RDX: variants seen among roughly 807,000 people sequenced by gnomAD.
RDX encodes deafness, autosomal recessive 24.
In RDX, 32 loss-of-function variants were observed where a neutral mutation model predicts 83.7. The observed-to-expected ratio is 0.38, with a 90% CI of 0.29 to 0.51. The LOEUF (loss-of-function observed/expected upper bound fraction) is 0.51. Among genes scored for constraint, RDX ranks in the 20% least tolerant of loss-of-function variants. The probability of loss-of-function intolerance (pLI) is 0.87; values close to 1 mark genes in which losing one functional copy is unlikely to be tolerated. For synonymous variants in RDX, 229 were observed against 222.7 expected (o/e 1.03, Z -0.25); for missense variants, 600 against 689.9 (o/e 0.87, Z 1.46).
intron 10 of RDX, among the ~76,000 whole-genome samples, chr11:110,241,075 A>G (rs866055999): frequency 0.012 from 1,654 of 134,050 alleles, 24 homozygotes; most frequent in South Asian, 0.067. Flanking sequence ...AAAAAAAAAA[A>G]GGGGCGGGGG....
At chr11:110,206,275 A>AAG (rs1863600909) in intron 14 of RDX, among the ~76,000 whole-genome samples, 1 of 151,290 alleles carries the variant, frequency 6.6e-6, no homozygotes, top group East Asian at 1.9e-4. Flanking sequence ...AAAAAAAAAA[A>AAG]TACTGGTAAC....
At chr11:110,271,022 G>GA (rs1429695146) in intron 3 of RDX, among the ~76,000 whole-genome samples, 3 of 151,860 alleles carry the variant, frequency 2.0e-5, no homozygotes, top group Non-Finnish European at 4.4e-5. Flanking sequence ...AAGTGGTTTG[G>GA]AAAAAAGAAA....
chr11:110,296,552 G>A lies in RDX; in HGVS notation c.-150C>T, dbSNP rs1025704832. 26 of 151,416 alleles carry A rather than the reference G, an allele frequency of 1.7e-4. No individual in the cohort carries two copies. The highest frequency in any genetic ancestry group is 6.3e-4 in the African/African-American group (26 of 41,372). 9.4% of individuals were successfully genotyped at this position (151,416 alleles called of 1,614,324 possible). ...CTGCGACAGGGAGGGAGAAGCGGTG[G>A]TGCGAGCGCTGGCCCGCGGGAGACG... On this transcript the variant is annotated 5_prime_UTR_variant, in exon 1 of 14. Coordinates refer to ENST00000645495, the MANE Select transcript of RDX (RefSeq NM_002906.4).
At chr11:110,203,298 G>T (rs1863481358) in intron 14 of RDX, among the ~76,000 whole-genome samples, 1 of 151,774 alleles carries the variant, frequency 6.6e-6, no homozygotes, top group Non-Finnish European at 1.5e-5. Flanking sequence ...TGATTTGTGG[G>T]ATCTAAAAAT....
At chr11:110,217,862 C>T (rs1251655509) in intron 14 of RDX, among the ~76,000 whole-genome samples, 3 of 152,070 alleles carry the variant, frequency 2.0e-5, no homozygotes, top group Non-Finnish European at 4.4e-5. Context: ...CCTCTTGTTA[C>T]TCGTCTCATT....
chr11:110,283,211 T>C (rs1318055950), intron 1 of RDX, among the ~76,000 whole-genome samples: 2 of 152,208 alleles, frequency 1.3e-5, no homozygotes, highest in African/African-American at 4.8e-5. Flanking sequence ...TGGAGTGCAG[T>C]GGCGCGATCT....
Position 110,264,012 on chromosome 11 carries a change from T to C in RDX, c.415A>G (p.Lys139Glu). The C allele has an allele frequency of 6.2e-7, 1 of 1,613,826 alleles. No homozygotes were observed. The highest frequency in any genetic ancestry group is 8.5e-7 in the Non-Finnish European group (1 of 1,179,712). The change falls in exon 5 of 14, where the codon AAA becomes GAA. Residue 139 changes from lysine to glutamate, a missense_variant. Lys to Glu is a moderately conservative substitution (Grantham distance 56, BLOSUM62 1). Coordinates refer to ENST00000645495, the MANE Select transcript of RDX (RefSeq NM_002906.4). ...AGGTAGCCTGGCTTATGAATCTCTT[T>C]ATTGTAATCTCCATACTTGGCTTGG... is the stretch of plus-strand genomic sequence containing the variant. ...AVQAKYGDYNKEIHKPGYLAN... is the reference protein window; with the variant it reads ...AVQAKYGDYNEEIHKPGYLAN...
chr11:110,253,546 T>A (rs1859420291), intron 9 of RDX, among the ~76,000 whole-genome samples: 1 of 152,220 alleles, frequency 6.6e-6, no homozygotes, highest in African/African-American at 2.4e-5. Flanking sequence ...GTTACCCTAC[T>A]TGGCACAGTG....
chr11:110,209,220 G>C lies in RDX; in HGVS notation c.1749-9542C>G, dbSNP rs1863722881. On this transcript the variant is annotated intron_variant, in intron 14 of 15. Coordinates refer to the RDX transcript ENST00000528498. ...AGTTCCCTTTCTGAGTCAAAGAAAGGGGTGACGGACGGCACCTGGAAAATC... is the reference window on the plus strand; with the variant it reads ...AGTTCCCTTTCTGAGTCAAAGAAAGCGGTGACGGACGGCACCTGGAAAATC... 8.5e-5 allele frequency among the ~76,000 whole-genome samples: 13 copies of C among 152,322 alleles called. No individual in the cohort carries two copies. The South Asian group carries it at 2.7e-3, about 32-fold the overall frequency.
downstream of RDX, among the ~76,000 whole-genome samples, chr11:110,228,967 CTTAT>C (rs766294459): frequency 4.1e-4 from 63 of 151,818 alleles, no homozygotes; most frequent in African/African-American, 1.1e-3. Context: ...AGATTTATCA[CTTAT>C]TTAAGTTAAA....
At chr11:110,226,575 G>A (rs185045214), downstream of RDX, among the ~76,000 whole-genome samples, 105 of 152,182 alleles carry the variant, frequency 6.9e-4, no homozygotes, top group African/African-American at 2.4e-3. Flanking sequence ...ACAACAATGT[G>A]AATGTACTTA....
intron 2 of RDX, among the ~76,000 whole-genome samples, chr11:110,273,545 G>T (rs1341053949): frequency 6.6e-6 from 1 of 152,170 alleles, no homozygotes; most frequent in African/African-American, 2.4e-5. Flanking sequence ...CTACCAAGTA[G>T]CTAGGAGCAC....
chr11:110,239,313 G>T (rs1565309004), intron 10 of RDX, among the ~76,000 whole-genome samples: 1 of 151,358 alleles, frequency 6.6e-6, no homozygotes, highest in East Asian at 1.9e-4. Context: ...AGACCTCAAA[G>T]GCACAGGCAA....
At chr11:110,258,214 AATT>A in intron 5 of RDX, 25 bp from the exon 6 acceptor site, 10 of 1,425,412 alleles carry the variant, frequency 7.0e-6, no homozygotes, top group Non-Finnish European at 9.7e-6. Context: ...AAAAAAAAAA[AATT>A]ATAATGACTT....
rs368670424 is a variant in RDX at position 110,272,548 on chromosome 11, T to C, written c.84A>G (p.Gln28=). 6 of 1,610,700 alleles carry C rather than the reference T, an allele frequency of 3.7e-6. No individual in the cohort carries two copies. Among genetic ancestry groups the C allele is most frequent in the East Asian group, 2.2e-5 (1 of 44,836 alleles). Residue 28 remains glutamine, a synonymous_variant, in exon 3 of 14, where the codon CAA becomes CAG. Transcript: ENST00000645495. ...TGCAGTGTAATACCTGGTCAAAAAG[T>C]TGTTTGCCAGTTGTATTGGGCTGAA... The part of the protein sequence containing the change: ...FAIQPNTTGK[Q]LFDQVVKTVG...
chr11:110,176,035 C>T (rs1168640296), intron 15 of RDX, among the ~76,000 whole-genome samples: 1 of 150,570 alleles, frequency 6.6e-6, no homozygotes, highest in Non-Finnish European at 1.5e-5. Context: ...TGGGCCAAGG[C>T]GGGTGTGGGT....
At chr11:110,235,046 G>A (rs1864787065) in intron 12 of RDX, among the ~76,000 whole-genome samples, 1 of 151,922 alleles carries the variant, frequency 6.6e-6, no homozygotes, top group Admixed American at 6.6e-5. Flanking sequence ...ATCTACTTAG[G>A]ACTCATATTA....
chr11:110,203,541 G>T (rs531890461), intron 14 of RDX, among the ~76,000 whole-genome samples: 2 of 151,758 alleles, frequency 1.3e-5, no homozygotes, highest in East Asian at 3.9e-4. Context: ...TAGATTATTT[G>T]TAACACAAAG....
chr11:110,257,421 T>C lies in RDX; in HGVS notation c.698+346A>G, dbSNP rs1027739586. Among the ~76,000 whole-genome samples the C allele has an allele frequency of 2.0e-5, 3 of 152,146 alleles. No individual in the cohort carries two copies. The South Asian group carries it at 6.2e-4, about 31-fold the overall frequency. On this transcript the variant is annotated intron_variant, in intron 7 of 13. Coordinates refer to ENST00000645495, the MANE Select transcript of RDX (RefSeq NM_002906.4). ...CTTATGTATGTTCAATTTCAATCTATTTGTCAAGCATAATAGCATTTTAAA... is the reference window on the plus strand; with the variant it reads ...CTTATGTATGTTCAATTTCAATCTACTTGTCAAGCATAATAGCATTTTAAA...
Sources: allele counts gnomAD v4.1 joint callset (sites outside exome capture counted in the v4.1 genomes callset), GRCh38; gene constraint gnomAD v4.1.1; transcripts MANE v1.5; gene names NCBI Gene and HGNC (gene_info 2026-07-23, HGNC 2026-07-21).